Variants in HIGD1B observed in about 807,000 individuals in gnomAD.
HIGD1B encodes HIG1 domain family member 1B.
In HIGD1B, 9 loss-of-function variants were observed where a neutral mutation model predicts 8.8. The ratio of observed to expected loss-of-function variants is 1.02; its 90% CI spans 0.62 to 1.78. HIGD1B has a LOEUF of 1.78. HIGD1B is among the 40% of genes most tolerant of loss of function. The probability of loss-of-function intolerance (pLI) is 0.00; values close to 1 mark genes in which losing one functional copy is unlikely to be tolerated. For missense variants in HIGD1B, 126 were observed against 111.8 expected, an observed-to-expected ratio of 1.13 and a Z score of -0.57; for synonymous variants, 47 against 38.8, an observed-to-expected ratio of 1.21 and a Z score of -0.78.
intron 2 of HIGD1B, among the ~76,000 whole-genome samples, chr17:44,849,758 CAAAAAAAAAAA>C (rs61617877): frequency 2.3e-4 from 12 of 52,552 alleles, no homozygotes; most frequent in African/African-American, 3.5e-4. Flanking sequence ...GACTCTGTCT[CAAAAAAAAAAA>C]AAAAAAAAAA....
chr17:44,849,178 C>T (rs749709049), intron 1 of HIGD1B, 76 bp from the exon 2 acceptor site: 83 of 1,550,568 alleles, frequency 5.4e-5, no homozygotes, highest in Non-Finnish European at 6.5e-5. Context: ...GCCCAGCCTG[C>T]CTGGTAAGGT....
At chr17:44,850,205 C>A in intron 2 of HIGD1B, 127 bp from the exon 3 acceptor site, 1 of 662,108 alleles carries the variant, frequency 1.5e-6, no homozygotes, top group Non-Finnish European at 2.6e-6. Flanking sequence ...GGACCTGGGG[C>A]AGAAAGATGA....
chr17:44,849,447 C>CT (rs1597782848), intron 2 of HIGD1B, 59 bp downstream of exon 2: 4 of 1,591,588 alleles, frequency 2.5e-6, no homozygotes, highest in Non-Finnish European at 3.4e-6. Flanking sequence ...GTTTGTAGGT[C>CT]TTTAAGTCCC....
rs754980053 is a variant in HIGD1B at position 44,850,373 on chromosome 17, G to A, written c.277G>A (p.Ala93Thr). ...TMYSDYVKRM[A>T]QDAGEK ...GTACAGCGATTACGTCAAGAGGATG[G>A]CACAGGATGCTGGAGAGAAGTAGGA... The change falls in exon 3 of 3, where the codon GCA becomes ACA. Residue 93 changes from alanine to threonine, a missense_variant. Physicochemically the swap from Ala to Thr is moderately conservative, Grantham distance 58 (BLOSUM62 0). Transcript: ENST00000253410. The A allele has an allele frequency of 6.2e-7, 1 of 1,613,236 alleles. No individual in the cohort carries two copies. Among genetic ancestry groups the A allele is most frequent in the South Asian group, 1.1e-5 (1 of 90,798 alleles).
In HIGD1B at chr17:44,849,246, G is replaced by A. The variant is rs1423114548; in HGVS notation, c.101-8G>A. 2 of 1,613,756 alleles carry A rather than the reference G, an allele frequency of 1.2e-6. No homozygotes were observed. Among genetic ancestry groups the A allele is most frequent in the Non-Finnish European group, 1.7e-6 (2 of 1,179,816 alleles). ...CTGTGGCCCAGGGGCTGTGTTCTCT[G>A]CCCACAGGCTTAGGAGGCTGCTTGG... On this transcript the variant is annotated splice_polypyrimidine_tract_variant and splice_region_variant and intron_variant, in intron 1 of 2. Coordinates refer to ENST00000253410, the MANE Select transcript of HIGD1B (RefSeq NM_016438.4).
rs1362401594 is a variant in HIGD1B, at chr17:44,850,419, G to A, written c.*23G>A. 6.3e-7 allele frequency: 1 copy of A among 1,575,812 alleles called. No individual in the cohort carries two copies. On this transcript the variant is annotated 3_prime_UTR_variant, in exon 3 of 3. Transcript: ENST00000253410. Reference sequence around the variant, plus strand: ...TAGGACTCCTATAGGAGCCGGGGCTGTCCAACTCCCCTAACTCAATCCCTG... The same window carrying A: ...TAGGACTCCTATAGGAGCCGGGGCTATCCAACTCCCCTAACTCAATCCCTG...
At position 44,848,201 on chromosome 17, in the gene HIGD1B, G is replaced by C. The variant is rs1159724327; in HGVS notation, c.49G>C (p.Val17Leu). 1 of 872,950 alleles carries C rather than the reference G, an allele frequency of 1.1e-6. No homozygotes were observed. Among genetic ancestry groups the C allele is most frequent in the Admixed American group, 1.7e-5 (1 of 59,180 alleles). 54.1% of individuals were successfully genotyped at this position (872,950 alleles called of 1,614,324 possible). A position where few individuals can be genotyped will look rare whatever the true frequency, so the allele number is the denominator to read the frequency against. The change falls in exon 1 of 3, where the codon GTG (valine) becomes CTG (leucine). Residue 17 changes from valine (V) to leucine (L), a missense_variant. Transcript: ENST00000253410. ...GGTACCACCTGACGACGAAGACTGT[G>C]TGTCTGAGAAGCTCCTGAGGAAGAC... ...WWVPPDDEDC[V>L]SEKLLRKTRE...
intron 1 of HIGD1B, 162 bp from the exon 2 acceptor site, chr17:44,849,092 A>T: frequency 1.4e-6 from 1 of 708,964 alleles, no homozygotes; most frequent in Non-Finnish European, 2.2e-6. Flanking sequence ...TCAATATTCT[A>T]ATGATCCCCC....
upstream of HIGD1B, among the ~76,000 whole-genome samples, chr17:44,846,589 G>C (rs181070173): frequency 3.6e-4 from 54 of 152,090 alleles, no homozygotes; most frequent in African/African-American, 1.2e-3. Flanking sequence ...CTGAGACCAG[G>C]AGTTCAAGAT....
upstream of HIGD1B, among the ~76,000 whole-genome samples, chr17:44,845,825 G>A (rs1008890123): frequency 2.6e-5 from 4 of 151,918 alleles, no homozygotes; most frequent in African/African-American, 9.7e-5. Context: ...CCAGCTACTC[G>A]GGAGGCTGAG....
chr17:44,849,326 C>T lies in HIGD1B; in HGVS notation c.173C>T (p.Ser58Phe). Residue 58 changes from serine to phenylalanine, a missense_variant, in exon 2 of 3, where the codon TCC (serine) becomes TTC (phenylalanine). Transcript: ENST00000253410. ...RLRSRGSTKM[S>F]IHLIHTRVAA... The stretch of plus-strand genomic sequence containing the variant: ...AGGTCTCGTGGTTCCACCAAGATGT[C>T]CATACACCTGATTCACACCCGAGTG... The T allele has an allele frequency of 6.2e-7, 1 of 1,614,142 alleles. No homozygotes were observed. The highest frequency in any genetic ancestry group is 1.3e-5 in the African/African-American group (1 of 75,056).
chr17:44,847,916 T>C lies in HIGD1B; in HGVS notation c.-237T>C. The C allele has an allele frequency of 9.6e-6, 4 of 415,554 alleles. No individual in the cohort carries two copies. The highest frequency in any genetic ancestry group is 1.3e-5 in the Non-Finnish European group (3 of 228,914). 25.7% of individuals were successfully genotyped at this position (415,554 alleles called of 1,614,324 possible). A position where few individuals can be genotyped will look rare whatever the true frequency, so the allele number is the denominator to read the frequency against. ...CAGAATGAGCTGGGGAAGAGGCAGA[T>C]GGTAGGAAATGGAGACGGAGAAATG... On this transcript the variant is annotated 5_prime_UTR_variant, in exon 1 of 3. It removes an upstream start codon present in the reference 5' UTR. Transcript: ENST00000253410.
chr17:44,849,802 C>T (rs903217491), intron 2 of HIGD1B: 11 of 171,168 alleles, frequency 6.4e-5, no homozygotes, highest in Non-Finnish European at 1.4e-4. Flanking sequence ...ATTAAGTTCT[C>T]CTGTTCTGGG....
upstream of HIGD1B, among the ~76,000 whole-genome samples, chr17:44,847,155 C>T (rs938953064): frequency 1.3e-5 from 2 of 149,436 alleles, no homozygotes; most frequent in South Asian, 2.1e-4. Flanking sequence ...AAAAAAGGGC[C>T]GGGCGCGGTG....
At chr17:44,850,184 A>G in intron 2 of HIGD1B, 148 bp from the exon 3 acceptor site, 7 of 600,054 alleles carry the variant, frequency 1.2e-5, no homozygotes, top group South Asian at 8.2e-5. Context: ...AGATGCTTGA[A>G]GCAGCTGTTG....
intron 2 of HIGD1B, 149 bp downstream of exon 2, chr17:44,849,537 A>G (rs955381665): frequency 5.9e-6 from 5 of 847,828 alleles, no homozygotes; most frequent in East Asian, 2.8e-5. Context: ...CAAGGCGGGC[A>G]GATCATGAGG....
At chr17:44,849,180 TGGTAA>T (rs755821206) in intron 1 of HIGD1B, 69 bp from the exon 2 acceptor site, 19 of 1,526,880 alleles carry the variant, frequency 1.2e-5, no homozygotes, top group East Asian at 2.4e-5. Flanking sequence ...CCAGCCTGCC[TGGTAA>T]GGTATCTCTC....
upstream of HIGD1B, among the ~76,000 whole-genome samples, chr17:44,845,422 C>A (rs2050314834): frequency 6.6e-6 from 1 of 151,998 alleles, no homozygotes. Context: ...CTTTGGGAGG[C>A]CAGTTCTGAG....
upstream of HIGD1B, among the ~76,000 whole-genome samples, chr17:44,845,704 C>G (rs1285356945): frequency 6.6e-6 from 1 of 151,894 alleles, no homozygotes; most frequent in Non-Finnish European, 1.5e-5. Flanking sequence ...GAGGCTGAGC[C>G]GGGTGGATCA....
Sources: gnomAD v4.1 joint callset for allele counts (sites outside exome capture counted in the v4.1 genomes callset) on GRCh38, gnomAD v4.1.1 for gene constraint, MANE v1.5 for transcripts, NCBI Gene and HGNC (gene_info 2026-07-23, HGNC 2026-07-21) for gene names.